The following EPHA5 variants were observed in gnomAD, a reference collection of about 807,000 sequenced individuals.
The protein encoded by EPHA5 is ephrin type-A receptor 5.
In EPHA5, 60 loss-of-function variants were observed where a neutral mutation model predicts 105.0. The observed-to-expected ratio is 0.57, with a 90% CI of 0.46 to 0.71. The LOEUF is 0.71. Ranked by LOEUF, EPHA5 falls within the 30% of genes least tolerant of loss-of-function variation. The probability of loss-of-function intolerance (pLI) is 0.00; values close to 1 mark genes in which losing one functional copy is unlikely to be tolerated. For missense variants in EPHA5, 1,218 were observed against 1,274.7 expected (o/e 0.96, Z 0.68); for synonymous variants, 513 against 449.1 (o/e 1.14, Z -1.80).
intron 5 of EPHA5, among the ~76,000 whole-genome samples, chr4:65,479,207 T>C (rs1730118204): frequency 6.6e-6 from 1 of 152,218 alleles, no homozygotes; most frequent in Admixed American, 6.5e-5. Flanking sequence ...GCTCATTTGA[T>C]TGTTGTAATC....
At chr4:65,621,365 G>T (rs1029832561) in intron 2 of EPHA5, among the ~76,000 whole-genome samples, 1 of 152,070 alleles carries the variant, frequency 6.6e-6, no homozygotes, top group Admixed American at 6.6e-5. Context: ...ACTTTCACTA[G>T]ACTACAATCC....
At position 65,351,456 on chromosome 4, in the gene EPHA5, C is replaced by T. The variant is rs568570258; in HGVS notation, c.2378G>A (p.Cys793Tyr). 1 of 1,613,810 alleles carries T rather than the reference C, an allele frequency of 6.2e-7. No homozygotes were observed. Among genetic ancestry groups the T allele is most frequent in the African/African-American group, 1.3e-5 (1 of 75,020 alleles). Residue 793 changes from cysteine (C) to tyrosine (Y), a missense_variant, in exon 13 of 17, where the codon TGC (cysteine) becomes TAC (tyrosine). This residue lies in a region of EPHA5 where 971 missense variants were observed against 1,013.5 expected (regional missense o/e 0.96). Coordinates refer to ENST00000613740, the MANE Select transcript of EPHA5 (RefSeq NM_001281766.3). ...RNILINSNLV[C>Y]KVSDFGLSRV... Reference sequence around the variant, plus strand: ...GGAAAGTCCAAAGTCAGACACTTTGCACACAAGGTTACTGTTGATTAAGAT... The same window carrying T: ...GGAAAGTCCAAAGTCAGACACTTTGTACACAAGGTTACTGTTGATTAAGAT...
At chr4:65,383,856 A>C (rs181286177) in intron 8 of EPHA5, among the ~76,000 whole-genome samples, 34 of 151,990 alleles carry the variant, frequency 2.2e-4, no homozygotes, top group Admixed American at 7.9e-4. Flanking sequence ...TTCATAACAT[A>C]AAAAATATAT....
chr4:65,437,355 AC>A (rs778456011), intron 5 of EPHA5, among the ~76,000 whole-genome samples: 7 of 152,002 alleles, frequency 4.6e-5, no homozygotes, highest in Non-Finnish European at 8.8e-5. Flanking sequence ...TGCTGGGAAA[AC>A]TTCCCAAATA....
chr4:65,565,605 C>A (rs1390242167), intron 3 of EPHA5, among the ~76,000 whole-genome samples: 2 of 150,908 alleles, frequency 1.3e-5, no homozygotes, highest in East Asian at 2.0e-4. Context: ...ATAAACAATA[C>A]TTCAAATAAT....
chr4:65,426,655 T>A (rs1400638224), intron 5 of EPHA5, among the ~76,000 whole-genome samples: 1 of 152,168 alleles, frequency 6.6e-6, no homozygotes, highest in African/African-American at 2.4e-5. Flanking sequence ...TTAAAGCTAA[T>A]AAAGGATATA....
Position 65,506,606 on chromosome 4 carries a change from A to G in EPHA5, c.911-11063T>C, listed in dbSNP as rs947276969. 4.8e-5 allele frequency among the ~76,000 whole-genome samples: 7 copies of G among 145,638 alleles called. 1 individual carries two copies. The highest frequency in any genetic ancestry group is 1.8e-4 in the African/African-American group (7 of 39,374). On this transcript the variant is annotated intron_variant, in intron 3 of 16. Transcript: ENST00000613740. ...TGCATTTCTCTGATGGCCAGTGATG[A>G]TAAGCATTTTGTCATGTGTCTTTTG...
chr4:65,587,181 T>A (rs957370279), intron 3 of EPHA5, among the ~76,000 whole-genome samples: 2 of 152,096 alleles, frequency 1.3e-5, no homozygotes, highest in Non-Finnish European at 2.9e-5. Flanking sequence ...GGTGGGGAGA[T>A]GAAGAATCCT....
Position 65,414,341 on chromosome 4 carries a change from T to C in EPHA5, c.1630A>G (p.Thr544Ala), listed in dbSNP as rs1346069346. The C allele has an allele frequency of 6.2e-7, 1 of 1,614,048 alleles. No homozygotes were observed. The change falls in exon 7 of 17, where the codon ACA becomes GCA. Residue 544 changes from threonine (T) to alanine (A), a missense_variant. Thr to Ala is a moderately conservative substitution (Grantham distance 58, BLOSUM62 0). This residue lies in a region of EPHA5 where 971 missense variants were observed against 1,013.5 expected (regional missense o/e 0.96). Coordinates refer to ENST00000613740, the MANE Select transcript of EPHA5 (RefSeq NM_001281766.3). ...CTGAAGACACCATAGCCTGCTGCTGTACGTGCTCGAATTTGGAAGACATAA... is the reference window on the plus strand; with the variant it reads ...CTGAAGACACCATAGCCTGCTGCTGCACGTGCTCGAATTTGGAAGACATAA... Reference protein sequence around the residue: ...SVYVFQIRARTAAGYGVFSRR... With the variant: ...SVYVFQIRARAAAGYGVFSRR...
chr4:65,445,075 C>A (rs149582806), intron 5 of EPHA5, among the ~76,000 whole-genome samples: 393 of 152,004 alleles, frequency 2.6e-3, no homozygotes, highest in African/African-American at 9.1e-3. Context: ...TAAAATACTT[C>A]TTTTTCTAGT....
chr4:65,439,985 T>C (rs1725858438), intron 5 of EPHA5, among the ~76,000 whole-genome samples: 1 of 152,108 alleles, frequency 6.6e-6, no homozygotes, highest in African/African-American at 2.4e-5. Flanking sequence ...TAGTTTGCAC[T>C]AAATGCTTAT....
At chr4:65,520,065 G>A (rs774938234) in intron 3 of EPHA5, among the ~76,000 whole-genome samples, 2 of 152,116 alleles carry the variant, frequency 1.3e-5, no homozygotes, top group South Asian at 2.1e-4. Context: ...AGCCTGCATT[G>A]CCAAGACAAT....
chr4:65,409,978 A>C (rs776493027), intron 7 of EPHA5, among the ~76,000 whole-genome samples: 1 of 152,212 alleles, frequency 6.6e-6, no homozygotes, highest in Non-Finnish European at 1.5e-5. Flanking sequence ...AAAATGATAG[A>C]GCCGTTTTGG....
chr4:65,351,296 T>C (rs1722788384), intron 13 of EPHA5, 93 bp downstream of exon 13: 2 of 1,147,878 alleles, frequency 1.7e-6, no homozygotes, highest in Admixed American at 2.2e-5. Context: ...TTTGACTTTG[T>C]TGCAGGAATG....
chr4:65,626,100 C>A (rs1324870625), intron 2 of EPHA5, among the ~76,000 whole-genome samples: 264 of 131,502 alleles, frequency 2.0e-3, no homozygotes, highest in South Asian at 2.7e-3. Context: ...CACTCCGTCT[C>A]AAAAAAAAAA....
At chr4:65,338,855 A>G (rs1434922869) in intron 14 of EPHA5, among the ~76,000 whole-genome samples, 1 of 152,178 alleles carries the variant, frequency 6.6e-6, no homozygotes, top group Non-Finnish European at 1.5e-5. Flanking sequence ...TCTACCAAAA[A>G]TGACCAAAGT....
chr4:65,591,241 T>C (rs1039721878), intron 3 of EPHA5, among the ~76,000 whole-genome samples: 2 of 152,086 alleles, frequency 1.3e-5, no homozygotes, highest in African/African-American at 4.8e-5. Flanking sequence ...AATAGACCAA[T>C]ATTTACATCT....
intron 3 of EPHA5, among the ~76,000 whole-genome samples, chr4:65,541,985 A>G (rs975535596): frequency 6.6e-6 from 1 of 152,038 alleles, no homozygotes; most frequent in Non-Finnish European, 1.5e-5. Context: ...CTGTTCCTAA[A>G]TGACTCCTGG....
intron 5 of EPHA5, among the ~76,000 whole-genome samples, chr4:65,476,527 C>G (rs1443604122): frequency 6.6e-6 from 1 of 152,070 alleles, no homozygotes; most frequent in African/African-American, 2.4e-5. Flanking sequence ...GGAAGCCAAA[C>G]ATTGGGAACT....
Sources: gnomAD v4.1 joint callset for allele counts (sites outside exome capture counted in the v4.1 genomes callset) on GRCh38, gnomAD v4.1.1 for gene constraint, gnomAD v4.1.1 regional missense constraint, MANE v1.5 for transcripts, NCBI Gene and HGNC (gene_info 2026-07-23, HGNC 2026-07-21) for gene names.